Variants in SIM2 observed in about 807,000 individuals in gnomAD.
SIM2 encodes the protein SIM bHLH transcription factor 2, also known as single-minded homolog 2.
Under a neutral mutation model 64.8 loss-of-function variants are expected in SIM2, and 28 were observed. The ratio of observed to expected loss-of-function variants is 0.43; its 90% CI spans 0.32 to 0.59. The LOEUF (loss-of-function observed/expected upper bound fraction) is 0.59. SIM2 is among the 20% of genes least tolerant of loss of function. The pLI is 0.07. For synonymous variants in SIM2, 408 were observed against 391.1 expected, an observed-to-expected ratio of 1.04 and a Z score of -0.51; for missense variants, 847 against 871.4, an observed-to-expected ratio of 0.97 and a Z score of 0.35.
chr21:36,736,894 T>C (rs963106104), intron 7 of SIM2, among the ~76,000 whole-genome samples: 6 of 151,882 alleles, frequency 4.0e-5, no homozygotes, highest in Non-Finnish European at 8.8e-5. Context: ...CTTTTCTTTT[T>C]CTTTCTTTTT....
chr21:36,747,530 C>T lies in SIM2; in HGVS notation c.1577-135C>T. On this transcript the variant is annotated intron_variant, in intron 10 of 10. Coordinates refer to ENST00000290399, the MANE Select transcript of SIM2 (RefSeq NM_005069.6). This position sits in a 1 kb window ranked among gnomAD's most constrained non-coding sequence, Gnocchi z 4.5. ...TTGGACAGCACGGCCTAGACTAAGG[C>T]GGGGGAGGGCGACAGCGACCCCGCG... is the stretch of plus-strand genomic sequence containing the variant. 2.4e-6 allele frequency: 1 copy of T among 422,836 alleles called. No homozygotes were observed. Among genetic ancestry groups the T allele is most frequent in the Non-Finnish European group, 3.4e-6 (1 of 292,334 alleles). The allele number at this position is 422,836 out of a possible 1,614,324, so 26.2% of individuals were successfully genotyped here.
intron 3 of SIM2, among the ~76,000 whole-genome samples, chr21:36,713,336 A>T (rs1735843869): frequency 6.6e-6 from 1 of 152,218 alleles, no homozygotes; most frequent in Non-Finnish European, 1.5e-5. Flanking sequence ...CTCCCTGGCA[A>T]GCCAAGGGTT....
chr21:36,708,165 G>C (rs1475028483), intron 1 of SIM2, among the ~76,000 whole-genome samples: 2 of 152,248 alleles, frequency 1.3e-5, no homozygotes, highest in African/African-American at 4.8e-5. Context: ...GCTTAGTGGA[G>C]GGTCTGCGGC....
intron 4 of SIM2, among the ~76,000 whole-genome samples, chr21:36,720,780 T>C (rs528509855): frequency 1.2e-3 from 190 of 152,362 alleles, no homozygotes; most frequent in Non-Finnish European, 2.3e-3. Flanking sequence ...TGATGAGTGC[T>C]AGGAAGATAC....
rs760838537 is a variant in SIM2, at chr21:36,707,036, C to T, written c.176-2132C>T. Among the ~76,000 whole-genome samples, 84 of 152,162 alleles carry T rather than the reference C, an allele frequency of 5.5e-4. 1 individual carries two copies. Among genetic ancestry groups the T allele is most frequent in the Non-Finnish European group, 1.1e-3 (73 of 68,022 alleles). On this transcript the variant is annotated intron_variant, in intron 1 of 10. Coordinates refer to ENST00000290399, the MANE Select transcript of SIM2 (RefSeq NM_005069.6). ...GTCTGGAGTTTCATTTCCGTAGGTG[C>T]AGATTTCTCCCCAAGTCTTCCCGCC...
chr21:36,716,983 T>C (rs1321675391), intron 3 of SIM2, among the ~76,000 whole-genome samples: 1 of 152,198 alleles, frequency 6.6e-6, no homozygotes, highest in Non-Finnish European at 1.5e-5. Context: ...TGTTTTATCA[T>C]TCCAAAATTT....
At chr21:36,732,775 T>C (rs557617642) in intron 7 of SIM2, among the ~76,000 whole-genome samples, 113 of 152,310 alleles carry the variant, frequency 7.4e-4, no homozygotes, top group Non-Finnish European at 1.4e-3. Context: ...GTGTCACTAA[T>C]ATGGGAGCTA....
At chr21:36,705,174 G>A (rs1316309453) in intron 1 of SIM2, among the ~76,000 whole-genome samples, 1 of 152,232 alleles carries the variant, frequency 6.6e-6, no homozygotes, top group East Asian at 1.9e-4. Context: ...GGTCATAAAC[G>A]CCGAGGTCGG....
chr21:36,709,291 GCTCCCTTCCCACCCCGCCACCC>G, intron 2 of SIM2, 41 bp downstream of exon 2: 1 of 1,494,296 alleles, frequency 6.7e-7, no homozygotes, highest in Non-Finnish European at 9.1e-7. Flanking sequence ...GCCGCCGCAG[GCTCCCTTCCCACCCCGCCACCC>G]CAGCCTCCAG....
At chr21:36,711,400 T>C (rs1254098608) in intron 2 of SIM2, among the ~76,000 whole-genome samples, 1 of 152,248 alleles carries the variant, frequency 6.6e-6, no homozygotes, top group Non-Finnish European at 1.5e-5. Flanking sequence ...GTTAGGCTTA[T>C]AATCAAGATG....
chr21:36,715,946 C>T (rs1199350563), intron 3 of SIM2, among the ~76,000 whole-genome samples: 1 of 152,072 alleles, frequency 6.6e-6, no homozygotes, highest in African/African-American at 2.4e-5. Context: ...ATTGTTGCTG[C>T]CAAACTTTGG....
intron 3 of SIM2, among the ~76,000 whole-genome samples, chr21:36,718,666 C>T (rs1308283966): frequency 6.6e-6 from 1 of 152,176 alleles, no homozygotes; most frequent in African/African-American, 2.4e-5. Flanking sequence ...TGGAGGAAGT[C>T]CTACCACTGC....
chr21:36,743,271 C>T (rs187492900), intron 8 of SIM2, 116 bp from the exon 9 acceptor site: 376 of 862,064 alleles, frequency 4.4e-4, no homozygotes, highest in Non-Finnish European at 6.4e-4. Context: ...CACATCCAAT[C>T]CCAGTGAAAA....
chr21:36,711,683 T>G (rs1407852614), intron 2 of SIM2, among the ~76,000 whole-genome samples: 2 of 152,198 alleles, frequency 1.3e-5, no homozygotes, highest in East Asian at 3.8e-4. Context: ...GTTGTATGAG[T>G]CTTTCACCAA....
intron 5 of SIM2, among the ~76,000 whole-genome samples, chr21:36,725,175 G>A (rs1464730911): frequency 6.6e-6 from 1 of 151,988 alleles, no homozygotes; most frequent in African/African-American, 2.4e-5. Flanking sequence ...ATGAGACCTT[G>A]TCTCTACAAA....
At chr21:36,715,524 A>T (rs1396180507) in intron 3 of SIM2, among the ~76,000 whole-genome samples, 1 of 152,206 alleles carries the variant, frequency 6.6e-6, no homozygotes, top group South Asian at 2.1e-4. Context: ...AGAATTTCTG[A>T]TGAATAACGA....
chr21:36,737,452 T>C (rs1210247537), intron 7 of SIM2, among the ~76,000 whole-genome samples: 3 of 152,210 alleles, frequency 2.0e-5, no homozygotes, highest in Admixed American at 2.0e-4. Context: ...TGTGATCTGT[T>C]GACCCAGACC....
chr21:36,737,381 G>A (rs183708070), intron 7 of SIM2, among the ~76,000 whole-genome samples: 113 of 152,214 alleles, frequency 7.4e-4, no homozygotes, highest in Non-Finnish European at 1.3e-3. Context: ...CTGCCTCCCC[G>A]CTTTCTTTGT....
chr21:36,706,267 T>TG (rs2088579966), intron 1 of SIM2, among the ~76,000 whole-genome samples: 1 of 152,218 alleles, frequency 6.6e-6, no homozygotes, highest in Admixed American at 6.5e-5. Flanking sequence ...CATTTCTCCC[T>TG]GGGGGTCCCA....
Sources: allele counts gnomAD v4.1 joint callset (sites outside exome capture counted in the v4.1 genomes callset), GRCh38; gene constraint gnomAD v4.1.1; non-coding constraint Gnocchi (gnomAD v3.1); transcripts MANE v1.5; gene names NCBI Gene and HGNC (gene_info 2026-07-23, HGNC 2026-07-21).